TSPEAR: variants seen among roughly 807,000 people sequenced by gnomAD.
TSPEAR encodes the protein thrombospondin-type laminin G domain and EAR repeat-containing protein.
TSPEAR carries 69 observed loss-of-function variants against 71.6 expected under a neutral mutation model. The ratio of observed to expected loss-of-function variants is 0.96; its 90% confidence interval spans 0.79 to 1.18. The LOEUF (loss-of-function observed/expected upper bound fraction) is 1.18. Among genes scored for constraint, TSPEAR ranks in the 50% most tolerant of loss-of-function variants. The pLI, the probability that TSPEAR is intolerant of heterozygous loss-of-function variation, is 0.00. For missense variants in TSPEAR, 971 were observed against 894.9 expected, an observed-to-expected ratio of 1.09 and a Z score of -1.09; for synonymous variants, 402 against 387.2, an observed-to-expected ratio of 1.04 and a Z score of -0.45.
chr21:44,548,267 C>T (rs1262394824), intron 2 of TSPEAR, among the ~76,000 whole-genome samples: 2 of 152,224 alleles, frequency 1.3e-5, no homozygotes, highest in African/African-American at 4.8e-5. Context: ...CGGGCTGCTG[C>T]CTTCCTGACT....
At chr21:44,672,386 C>T (rs931823701) in intron 1 of TSPEAR, among the ~76,000 whole-genome samples, 4 of 152,006 alleles carry the variant, frequency 2.6e-5, no homozygotes, top group Non-Finnish European at 4.4e-5. Flanking sequence ...CTGGCTAACA[C>T]GGTGAAACCC....
intron 1 of TSPEAR, among the ~76,000 whole-genome samples, chr21:44,626,411 CGGA>C (rs1461399432): frequency 6.6e-6 from 1 of 152,158 alleles, no homozygotes; most frequent in African/African-American, 2.4e-5. Context: ...GCAGGGCACA[CGGA>C]GGAGATGGCT....
intron 1 of TSPEAR, among the ~76,000 whole-genome samples, chr21:44,621,901 C>T (rs1340543311): frequency 2.0e-5 from 3 of 152,156 alleles, no homozygotes; most frequent in Non-Finnish European, 4.4e-5. Context: ...CTCCTCTCAT[C>T]ATCCCATACA....
At chr21:44,586,765 C>T (rs1555925744) in intron 1 of TSPEAR, among the ~76,000 whole-genome samples, 2 of 152,152 alleles carry the variant, frequency 1.3e-5, no homozygotes, top group African/African-American at 4.8e-5. Flanking sequence ...CACAATTCAA[C>T]ACCACATAAA....
intron 1 of TSPEAR, among the ~76,000 whole-genome samples, chr21:44,630,110 C>A (rs1184240700): frequency 6.6e-6 from 1 of 152,134 alleles, no homozygotes; most frequent in Non-Finnish European, 1.5e-5. Context: ...TTCTTGGAGA[C>A]CTTGATGAGG....
At chr21:44,657,630 A>G (rs1286795184) in intron 1 of TSPEAR, among the ~76,000 whole-genome samples, 1 of 152,238 alleles carries the variant, frequency 6.6e-6, no homozygotes, top group African/African-American at 2.4e-5. Context: ...ATAGCATGAA[A>G]CAAAAGTGAA....
At chr21:44,540,183 T>C (rs782296549) in intron 2 of TSPEAR, 8 of 1,599,632 alleles carry the variant, frequency 5.0e-6, no homozygotes, top group East Asian at 2.2e-5. Context: ...CTGCGGGAGG[T>C]GTGAGTGAGT....
rs782628897 is a variant in TSPEAR at position 44,658,078 on chromosome 21, C to T, written c.82+53355G>A. 217 of 1,613,888 alleles carry T rather than the reference C, an allele frequency of 1.3e-4. 1 individual carries two copies. The highest frequency in any genetic ancestry group is 1.7e-4 in the Non-Finnish European group (203 of 1,179,938). On this transcript the variant is annotated intron_variant, in intron 1 of 11. Coordinates refer to ENST00000323084, the MANE Select transcript of TSPEAR (RefSeq NM_144991.3). Reference sequence around the variant, plus strand: ...ATGTGCCCGTGAGCTGCCAGTCCTCCGTGTGCATGCCCGTGAGCTGCACGC... The same window carrying T: ...ATGTGCCCGTGAGCTGCCAGTCCTCTGTGTGCATGCCCGTGAGCTGCACGC...
chr21:44,499,414 G>A lies in TSPEAR; in HGVS notation c.*369C>T, dbSNP rs1217017931. On this transcript the variant is annotated 3_prime_UTR_variant, in exon 12 of 12. Coordinates refer to ENST00000323084, the MANE Select transcript of TSPEAR (RefSeq NM_144991.3). ...TCAGGCGGCCGGACGCACACTGCAGGAGTGGCTGGCGAGAGGCCAGCCGCA... is the reference window on the plus strand; with the variant it reads ...TCAGGCGGCCGGACGCACACTGCAGAAGTGGCTGGCGAGAGGCCAGCCGCA... 2 of 238,010 alleles carry A rather than the reference G, an allele frequency of 8.4e-6. No homozygotes were observed. The highest frequency in any genetic ancestry group is 4.7e-5 in the African/African-American group (2 of 42,894). The allele number at this position is 238,010 out of a possible 1,614,324, so 14.7% of individuals were successfully genotyped here. A position where few individuals can be genotyped will look rare whatever the true frequency, so the allele number is the denominator to read the frequency against.
At chr21:44,547,451 T>C (rs1555917845) in intron 2 of TSPEAR, among the ~76,000 whole-genome samples, 1 of 152,222 alleles carries the variant, frequency 6.6e-6, no homozygotes, top group Non-Finnish European at 1.5e-5. Flanking sequence ...CTTCCCACTT[T>C]GTCTGGTGAA....
At chr21:44,516,204 C>T (rs906212319) in intron 9 of TSPEAR, 1 of 152,314 alleles carries the variant, frequency 6.6e-6, no homozygotes, top group Admixed American at 6.5e-5. Flanking sequence ...AGGCTGCCAT[C>T]AGCAGGAATT....
intron 1 of TSPEAR, chr21:44,601,437 G>A (rs1980891706): frequency 6.2e-7 from 1 of 1,611,224 alleles, no homozygotes; most frequent in African/African-American, 1.3e-5. Context: ...TCTGCTGTAA[G>A]CCTGTGTGCT....
intron 2 of TSPEAR, among the ~76,000 whole-genome samples, chr21:44,535,554 T>A (rs2145992563): frequency 6.6e-6 from 1 of 152,314 alleles, no homozygotes; most frequent in South Asian, 2.1e-4. Flanking sequence ...TACTGTATCG[T>A]GTCTGTGTTT....
intron 1 of TSPEAR, among the ~76,000 whole-genome samples, chr21:44,635,836 C>G (rs977877003): frequency 6.6e-6 from 1 of 152,100 alleles, no homozygotes; most frequent in Non-Finnish European, 1.5e-5. Context: ...AAAATTACAC[C>G]TGCCAAGGGT....
At chr21:44,507,841 G>A (rs1300005817) in intron 10 of TSPEAR, among the ~76,000 whole-genome samples, 11 of 152,164 alleles carry the variant, frequency 7.2e-5, no homozygotes, top group East Asian at 1.9e-4. Flanking sequence ...CCGCCGCCCC[G>A]TGCCTGTTTC....
intron 9 of TSPEAR, chr21:44,517,740 T>G (rs2052624045): frequency 4.2e-6 from 2 of 470,888 alleles, no homozygotes; most frequent in Admixed American, 4.7e-5. Context: ...TCTGTGGACA[T>G]CACTCGCCTT....
At position 44,711,272 on chromosome 21, in the gene TSPEAR, C is replaced by T. The variant is rs1555953554; in HGVS notation, c.82+161G>A. On this transcript the variant is annotated intron_variant, in intron 1 of 11. Transcript: ENST00000323084. This position sits in a 1 kb window ranked among gnomAD's most constrained non-coding sequence, Gnocchi z 4.5. ...TCATCTTCCCCACCTGTGCTCCTCC[C>T]GCCTCTGCCCATCTCCACAGGGTGC... Among the ~76,000 whole-genome samples, 1 of 152,170 alleles carries T rather than the reference C, an allele frequency of 6.6e-6. No homozygotes were observed. Among genetic ancestry groups the T allele is most frequent in the East Asian group, 1.9e-4 (1 of 5,194 alleles).
intron 2 of TSPEAR, among the ~76,000 whole-genome samples, chr21:44,537,087 A>G (rs1247273905): frequency 1.3e-5 from 2 of 152,240 alleles, no homozygotes; most frequent in Non-Finnish European, 2.9e-5. Context: ...AAGATGAACA[A>G]TTATAGTTTC....
At position 44,499,776 on chromosome 21, in the gene TSPEAR, C is replaced by T. The variant is rs372018337; in HGVS notation, c.*7G>A. 2.7e-4 allele frequency: 423 copies of T among 1,555,098 alleles called. 4 individuals are homozygous for T. The highest frequency in any genetic ancestry group is 1.6e-3 in the South Asian group (134 of 84,590). On this transcript the variant is annotated 3_prime_UTR_variant, in exon 12 of 12. Coordinates refer to ENST00000323084, the MANE Select transcript of TSPEAR (RefSeq NM_144991.3). ...GCCACCCCAGTTGCTGCCGGGCAGC[C>T]GCGGCCTCAGCGTGTCCTCAGCCGC...
Sources: gnomAD v4.1 joint callset for allele counts (sites outside exome capture counted in the v4.1 genomes callset) on GRCh38, gnomAD v4.1.1 for gene constraint, Gnocchi (gnomAD v3.1) non-coding constraint, MANE v1.5 for transcripts, NCBI Gene and HGNC (gene_info 2026-07-23, HGNC 2026-07-21) for gene names.